The following MRTFB variants were observed in gnomAD, a reference collection of about 807,000 sequenced individuals.
The protein encoded by MRTFB is myocardin related transcription factor B.
In MRTFB, 29 loss-of-function variants were observed where a neutral mutation model predicts 104.2. The observed-to-expected ratio is 0.28, with a 90% CI of 0.21 to 0.38. MRTFB has a LOEUF of 0.38. Ranked by LOEUF, MRTFB falls within the 10% of genes least tolerant of loss-of-function variation. The pLI is 1.00. For missense variants in MRTFB, 1,270 were observed against 1,341.6 expected, an observed-to-expected ratio of 0.95 and a Z score of 0.83; for synonymous variants, 535 against 519.5, an observed-to-expected ratio of 1.03 and a Z score of -0.41.
At position 14,265,424 on chromosome 16, in the gene MRTFB, G is replaced by A. The variant is rs748570038; in HGVS notation, c.*3980G>A. ...AGGAACATAGCTTACAAATGCATCA[G>A]TGTGTATCTGGAGAGCATCCTAACT... On this transcript the variant is annotated 3_prime_UTR_variant, in exon 17 of 17. Coordinates refer to ENST00000571589, the MANE Select transcript of MRTFB (RefSeq NM_001308142.2). 1.3e-5 allele frequency: 2 copies of A among 152,192 alleles called. No homozygotes were observed. Among genetic ancestry groups the A allele is most frequent in the Non-Finnish European group, 2.9e-5 (2 of 68,034 alleles). 9.4% of individuals were successfully genotyped at this position (152,192 alleles called of 1,614,324 possible). A position where few individuals can be genotyped will look rare whatever the true frequency, so the allele number is the denominator to read the frequency against.
intron 2 of MRTFB, among the ~76,000 whole-genome samples, chr16:14,098,187 C>G (rs975729834): frequency 3.3e-4 from 50 of 152,148 alleles, no homozygotes; most frequent in African/African-American, 1.1e-3. Flanking sequence ...TTGTCATTTC[C>G]TTTTATATTC....
intron 9 of MRTFB, among the ~76,000 whole-genome samples, chr16:14,238,328 A>AG (rs985886562): frequency 1.3e-4 from 20 of 152,154 alleles, no homozygotes; most frequent in Non-Finnish European, 2.4e-4. Flanking sequence ...TCTATGACAA[A>AG]GGGGGGGACT....
In MRTFB at chr16:14,140,672, T is replaced by C. The variant is rs2037951655; in HGVS notation, c.66T>C (p.Ser22=). Residue 22 remains serine, a synonymous_variant, in exon 3 of 17, where the codon AGT becomes AGC. Transcript: ENST00000571589. Reference sequence around the variant, plus strand: ...GACCTTTAGCCCATCTTGCTCCAAGTCCTCAGAGTGAAGCTGTGGCTCATG... The same window carrying C: ...GACCTTTAGCCCATCTTGCTCCAAGCCCTCAGAGTGAAGCTGTGGCTCATG... ...EVGPLAHLAP[S]PQSEAVAHEF... 2 of 1,614,038 alleles carry C rather than the reference T, an allele frequency of 1.2e-6. No individual in the cohort carries two copies. The highest frequency in any genetic ancestry group is 1.7e-6 in the Non-Finnish European group (2 of 1,180,026).
chr16:14,032,605 T>C, the MRTFB span, among the ~76,000 whole-genome samples: 2 of 152,290 alleles, frequency 1.3e-5, no homozygotes, highest in African/African-American at 4.8e-5. Flanking sequence ...AGGGGGATTA[T>C]GGGAACCTCC....
At chr16:14,011,767 G>C in the MRTFB span, among the ~76,000 whole-genome samples, 1 of 152,170 alleles carries the variant, frequency 6.6e-6, no homozygotes, top group Admixed American at 6.5e-5. Flanking sequence ...AACTACTGGG[G>C]AGGCTGAAGC....
intron 9 of MRTFB, 25 bp from the exon 10 acceptor site, chr16:14,240,211 TG>T (rs970636259): frequency 6.4e-7 from 1 of 1,562,680 alleles, no homozygotes; most frequent in Non-Finnish European, 8.6e-7. Flanking sequence ...TCTCTTTAAA[TG>T]TTATTTTCTT....
chr16:14,094,030 C>T (rs958608433), intron 2 of MRTFB, among the ~76,000 whole-genome samples: 1 of 152,130 alleles, frequency 6.6e-6, no homozygotes, highest in African/African-American at 2.4e-5. Context: ...TAGTGTCATT[C>T]AAAGTGGAGA....
intron 5 of MRTFB, among the ~76,000 whole-genome samples, chr16:14,212,782 G>C (rs1006798294): frequency 6.6e-6 from 1 of 152,198 alleles, no homozygotes; most frequent in Non-Finnish European, 1.5e-5. Context: ...CAGATCCTTA[G>C]ATGATTTCCC....
At chr16:14,009,852 T>G in the MRTFB span, 1 of 152,158 alleles carries the variant, frequency 6.6e-6, no homozygotes, top group African/African-American at 2.4e-5. Context: ...ATCACCCCTC[T>G]TCTCTAATTA....
rs1460587791 is a variant in MRTFB, at chr16:14,127,505, G to C, written c.-63-13039G>C. ...AAAATACAAAAAAAATTAGCCAGGC[G>C]TGGTGGTGGGCGCCTGTAGTCCCAG... On this transcript the variant is annotated intron_variant, in intron 2 of 16. Coordinates refer to ENST00000571589, the MANE Select transcript of MRTFB (RefSeq NM_001308142.2). Among the ~76,000 whole-genome samples the C allele has an allele frequency of 2.6e-5, 4 of 151,930 alleles. No homozygotes were observed. The South Asian group carries it at 6.3e-4, about 24-fold the overall frequency.
intron 3 of MRTFB, chr16:14,143,184 AG>A (rs1305732406): frequency 1.8e-4 from 24 of 131,534 alleles, no homozygotes; most frequent in African/African-American, 5.9e-4. Flanking sequence ...TTTTTTCATT[AG>A]GCAAACATTT....
At chr16:14,107,093 G>A (rs2142113358) in intron 2 of MRTFB, among the ~76,000 whole-genome samples, 1 of 152,288 alleles carries the variant, frequency 6.6e-6, no homozygotes, top group African/African-American at 2.4e-5. Flanking sequence ...GAGCTTAGCT[G>A]GGTATGGTGG....
chr16:14,008,621 G>A, the MRTFB span, among the ~76,000 whole-genome samples: 1 of 152,162 alleles, frequency 6.6e-6, no homozygotes, highest in Admixed American at 6.5e-5. Flanking sequence ...CAGGAAGTAT[G>A]AACCCTCCAA....
At chr16:14,028,614 C>T in the MRTFB span, among the ~76,000 whole-genome samples, 10 of 152,226 alleles carry the variant, frequency 6.6e-5, no homozygotes, top group African/African-American at 2.4e-4. Flanking sequence ...CTGCTTTGAG[C>T]TGCCTGCCTG....
At chr16:14,075,130 T>C (rs1391581882) in intron 1 of MRTFB, among the ~76,000 whole-genome samples, 1 of 152,240 alleles carries the variant, frequency 6.6e-6, no homozygotes, top group East Asian at 1.9e-4. Flanking sequence ...TTAAGAAATA[T>C]ATTTGAAAAC....
chr16:14,024,232 G>A, the MRTFB span, among the ~76,000 whole-genome samples: 1 of 152,188 alleles, frequency 6.6e-6, no homozygotes, highest in Non-Finnish European at 1.5e-5. Context: ...TTAGATCTGA[G>A]CTTCATCAGA....
Position 14,238,485 on chromosome 16 carries a change from C to T in MRTFB, c.832-1752C>T, listed in dbSNP as rs191226013. On this transcript the variant is annotated intron_variant, in intron 9 of 16. Transcript: ENST00000571589. ...CTGGATGGAGTGAATTGACAAAATA[C>T]GTGGTGGGTATCAGAGATTGGGATG... Among the ~76,000 whole-genome samples, 27 of 152,094 alleles carry T rather than the reference C, an allele frequency of 1.8e-4. 1 individual carries two copies. The East Asian group carries it at 4.3e-3, about 24-fold the overall frequency.
intron 10 of MRTFB, among the ~76,000 whole-genome samples, chr16:14,242,109 T>C (rs1236480208): frequency 6.6e-6 from 1 of 152,132 alleles, no homozygotes; most frequent in Admixed American, 6.6e-5. Context: ...ATTGCTGTTA[T>C]TGACCCCATT....
chr16:14,089,749 T>G (rs1432622774), intron 2 of MRTFB, among the ~76,000 whole-genome samples: 2 of 152,190 alleles, frequency 1.3e-5, no homozygotes, highest in Non-Finnish European at 2.9e-5. Context: ...CCTTTTTTGT[T>G]CTCAGCAACA....
Sources: allele counts gnomAD v4.1 joint callset (sites outside exome capture counted in the v4.1 genomes callset), GRCh38; gene constraint gnomAD v4.1.1; transcripts MANE v1.5; gene names NCBI Gene and HGNC (gene_info 2026-07-23, HGNC 2026-07-21).